The following ADAMTS9 variants were observed in gnomAD, a reference collection of about 807,000 sequenced individuals.
ADAMTS9 encodes ADAM metallopeptidase with thrombospondin type 1 motif 9, also known as A disintegrin and metalloproteinase with thrombospondin motifs 9.
Under a neutral mutation model 257.1 loss-of-function variants are expected in ADAMTS9, and 107 were observed. That is an observed-to-expected ratio of 0.42 (90% CI 0.36 to 0.49). The LOEUF (loss-of-function observed/expected upper bound fraction) is 0.49. ADAMTS9 is among the 20% of genes least tolerant of loss of function. The probability of loss-of-function intolerance (pLI) is 0.03; values close to 1 mark genes in which losing one functional copy is unlikely to be tolerated. For missense variants in ADAMTS9, 2,353 were observed against 2,469.1 expected (o/e 0.95, Z 1.00); for synonymous variants, 982 against 880.9 (o/e 1.11, Z -2.03).
At position 64,644,935 on chromosome 3, in the gene ADAMTS9, C is replaced by T. The variant is rs115194354; in HGVS notation, c.1711-2942G>A. ...GCTTTTTAAAAGAAAACTTCTAATT[C>T]AAAACTGATATGGAAATTAAATATT... On this transcript the variant is annotated intron_variant, in intron 11 of 39. Transcript: ENST00000498707. 7.5e-3 allele frequency among the ~76,000 whole-genome samples: 1,135 copies of T among 152,200 alleles called. 10 individuals are homozygous for T. The highest frequency in any genetic ancestry group is 0.026 in the African/African-American group (1,096 of 41,526).
At chr3:64,562,912 A>C (rs2106654388) in intron 29 of ADAMTS9, 1 of 152,354 alleles carries the variant, frequency 6.6e-6, no homozygotes, top group South Asian at 2.1e-4. Flanking sequence ...TTTTAAGAAA[A>C]CAGGTAACGA....
Position 64,541,953 on chromosome 3 carries a change from A to G in ADAMTS9, c.5082T>C (p.Gly1694=). 6.2e-7 allele frequency: 1 copy of G among 1,614,066 alleles called. No individual in the cohort carries two copies. The highest frequency in any genetic ancestry group is 8.5e-7 in the Non-Finnish European group (1 of 1,179,986). The change falls in exon 33 of 40, where the codon GGT becomes GGC. Residue 1694 remains glycine (G), a synonymous_variant. Coordinates refer to ENST00000498707, the MANE Select transcript of ADAMTS9 (RefSeq NM_182920.2). ...GCACAGATCTCTGCATCACTCCAACACCACAAGACACTGAGCACTGTAAGA... is the reference window on the plus strand; with the variant it reads ...GCACAGATCTCTGCATCACTCCAACGCCACAAGACACTGAGCACTGTAAGA... ...GNWGSCSVSC[G]VGVMQRSVQC... is the part of the protein sequence containing the mutation.
chr3:64,668,743 C>A (rs35304379), intron 3 of ADAMTS9, among the ~76,000 whole-genome samples: 5 of 152,152 alleles, frequency 3.3e-5, no homozygotes, highest in Admixed American at 2.0e-4. Context: ...CCAGGCCTGC[C>A]GCTGGGATCT....
At chr3:64,568,030 T>C (rs1459536650) in intron 29 of ADAMTS9, among the ~76,000 whole-genome samples, 1 of 152,146 alleles carries the variant, frequency 6.6e-6, no homozygotes, top group African/African-American at 2.4e-5. Context: ...TCAGCTTCAG[T>C]GCAGTCTGAG....
chr3:64,619,253 G>T (rs950630691), intron 19 of ADAMTS9, among the ~76,000 whole-genome samples: 1 of 152,050 alleles, frequency 6.6e-6, no homozygotes, highest in African/African-American at 2.4e-5. Flanking sequence ...TCAATCAGTG[G>T]AGAAAAAACA....
intron 27 of ADAMTS9, 33 bp downstream of exon 27, chr3:64,596,797 C>T: frequency 1.2e-6 from 2 of 1,611,504 alleles, no homozygotes; most frequent in Non-Finnish European, 1.7e-6. Context: ...AACACAATTC[C>T]TCTGTATTTA....
chr3:64,613,204 G>A (rs906986269), intron 22 of ADAMTS9, 141 bp downstream of exon 22: 5 of 957,570 alleles, frequency 5.2e-6, no homozygotes, highest in Non-Finnish European at 7.6e-6. Flanking sequence ...AGTTACATGT[G>A]CTTGATCCAG....
rs538499775 is a variant in ADAMTS9 at position 64,573,507 on chromosome 3, T to A, written c.4357-4972A>T. On this transcript the variant is annotated intron_variant, in intron 28 of 39. Coordinates refer to ENST00000498707, the MANE Select transcript of ADAMTS9 (RefSeq NM_182920.2). Reference sequence around the variant, plus strand: ...GATGGCTAACCATTACTCAGATAGGTGTTTTGAGACAGGAGACTGAAGGAA... The same window carrying A: ...GATGGCTAACCATTACTCAGATAGGAGTTTTGAGACAGGAGACTGAAGGAA... Among the ~76,000 whole-genome samples the A allele has an allele frequency of 4.8e-4, 73 of 152,334 alleles. 1 individual carries two copies. The highest frequency in any genetic ancestry group is 1.7e-3 in the African/African-American group (72 of 41,590).
intron 3 of ADAMTS9, among the ~76,000 whole-genome samples, chr3:64,661,097 C>G (rs1340328115): frequency 6.6e-6 from 1 of 152,078 alleles, no homozygotes; most frequent in Non-Finnish European, 1.5e-5. Flanking sequence ...ACATATACAC[C>G]AAGGGTAAGG....
chr3:64,606,390 G>A lies in ADAMTS9; in HGVS notation c.3474+570C>T, dbSNP rs1462422461. ...ACTTGATGTCAATGAACACAGAGCT[G>A]GGGAGAGATAGGTGGCAGCACACCC... is the stretch of plus-strand genomic sequence containing the variant. On this transcript the variant is annotated intron_variant, in intron 23 of 39. Transcript: ENST00000498707. Among the ~76,000 whole-genome samples the A allele has an allele frequency of 3.3e-5, 5 of 152,278 alleles. No homozygotes were observed. In the East Asian group the frequency reaches 9.6e-4, roughly 29 times the overall value.
chr3:64,656,522 C>G (rs1488291777), intron 4 of ADAMTS9, among the ~76,000 whole-genome samples: 1 of 152,110 alleles, frequency 6.6e-6, no homozygotes, highest in African/African-American at 2.4e-5. Flanking sequence ...AACTAAGTCA[C>G]TCAGAGAAAT....
intron 32 of ADAMTS9, among the ~76,000 whole-genome samples, chr3:64,543,873 C>T (rs1209852910): frequency 3.9e-5 from 6 of 152,160 alleles, no homozygotes; most frequent in Admixed American, 6.5e-5. Context: ...AAAACCCCAT[C>T]GTCTCAGCCC....
chr3:64,659,771 A>G (rs1701181448), intron 3 of ADAMTS9, among the ~76,000 whole-genome samples: 1 of 152,178 alleles, frequency 6.6e-6, no homozygotes, highest in African/African-American at 2.4e-5. Flanking sequence ...ATAATGTCAG[A>G]TTAGCTCTAC....
At chr3:64,659,815 G>T (rs116591709) in intron 3 of ADAMTS9, among the ~76,000 whole-genome samples, 4 of 151,972 alleles carry the variant, frequency 2.6e-5, no homozygotes, top group African/African-American at 9.7e-5. Flanking sequence ...CTCTTCTTGG[G>T]TTCTCCACAG....
Position 64,596,813 on chromosome 3 carries a change from G to A in ADAMTS9, c.4179+17C>T, listed in dbSNP as rs773149646. On this transcript the variant is annotated intron_variant, in intron 27 of 39. Transcript: ENST00000498707. The stretch of plus-strand genomic sequence containing the variant: ...ACACAATTCCTCTGTATTTATAGAC[G>A]GATAGTTCACTCTCACCTCTCCCCA... 4.9e-5 allele frequency: 79 copies of A among 1,613,310 alleles called. No individual in the cohort carries two copies. In the Middle Eastern group the frequency reaches 4.9e-4, roughly 10 times the overall value.
At chr3:64,569,794 T>C (rs2083634798) in intron 28 of ADAMTS9, among the ~76,000 whole-genome samples, 1 of 152,218 alleles carries the variant, frequency 6.6e-6, no homozygotes, top group Non-Finnish European at 1.5e-5. Flanking sequence ...ATTGCTGTTT[T>C]CATTTGAGCT....
At chr3:64,551,714 C>T (rs959338032) in intron 30 of ADAMTS9, among the ~76,000 whole-genome samples, 5 of 152,164 alleles carry the variant, frequency 3.3e-5, no homozygotes, top group African/African-American at 1.2e-4. Flanking sequence ...GTCTAAATAC[C>T]TCCAGGATCA....
intron 8 of ADAMTS9, among the ~76,000 whole-genome samples, chr3:64,651,898 T>C (rs981535391): frequency 7.9e-5 from 12 of 152,172 alleles, no homozygotes; most frequent in Admixed American, 7.9e-4. Context: ...GTGAGAAGGC[T>C]ATGAAGGATT....
At chr3:64,647,133 A>G (rs554304961) in intron 11 of ADAMTS9, among the ~76,000 whole-genome samples, 1 of 152,226 alleles carries the variant, frequency 6.6e-6, no homozygotes, top group African/African-American at 2.4e-5. Context: ...ATAACAAAAC[A>G]CTCAGAAATA....
Sources: allele counts gnomAD v4.1 joint callset (sites outside exome capture counted in the v4.1 genomes callset), GRCh38; gene constraint gnomAD v4.1.1; transcripts MANE v1.5; gene names NCBI Gene and HGNC (gene_info 2026-07-23, HGNC 2026-07-21).